ZNF638: variants seen among roughly 807,000 people sequenced by gnomAD.
ZNF638 encodes zinc finger protein 638.
A neutral mutation model predicts 195.6 loss-of-function variants in ZNF638; 46 were observed. The observed-to-expected ratio is 0.24, with a 90% CI of 0.19 to 0.30. ZNF638 has a LOEUF of 0.30. ZNF638 is among the 10% of genes least tolerant of loss of function. ZNF638 has a pLI of 1.00. For synonymous variants in ZNF638, 845 were observed against 772.0 expected, an observed-to-expected ratio of 1.09 and a Z score of -1.57; for missense variants, 2,440 against 2,325.3, an observed-to-expected ratio of 1.05 and a Z score of -1.01.
chr2:71,349,785 G>C lies in ZNF638; in HGVS notation c.831G>C (p.Glu277Asp). The C allele has an allele frequency of 6.2e-7, 1 of 1,614,162 alleles. No homozygotes were observed. The highest frequency in any genetic ancestry group is 8.5e-7 in the Non-Finnish European group (1 of 1,180,030). The change falls in exon 2 of 28, where the codon GAG (glutamate) becomes GAC (aspartate). Residue 277 changes from glutamate (E) to aspartate (D), a missense_variant. By Grantham distance (45) the Glu-to-Asp change is conservative. This residue lies in a region of ZNF638 where 305 missense variants were observed against 283.6 expected (regional missense o/e 1.08). Coordinates refer to ENST00000264447, the MANE Select transcript of ZNF638 (RefSeq NM_014497.5). ...DVFRQMDFPGESSNNRSFFSV... is the reference protein window; with the variant it reads ...DVFRQMDFPGDSSNNRSFFSV... ...TTCGCCAAATGGACTTCCCCGGTGA[G>C]TCCTCCAATAATCGGTCCTTTTTCT...
At chr2:71,424,149 T>G (rs761549336) in intron 22 of ZNF638, 111 bp downstream of exon 22, 4 of 1,392,462 alleles carry the variant, frequency 2.9e-6, no homozygotes, top group Non-Finnish European at 3.8e-6. Context: ...CTCCTCACTC[T>G]ACCCCGGAAG....
chr2:71,377,532 G>A (rs1199506517), intron 8 of ZNF638, among the ~76,000 whole-genome samples: 3 of 152,272 alleles, frequency 2.0e-5, no homozygotes, highest in South Asian at 2.1e-4. Context: ...GCGAAAATAC[G>A]CAATCAGAAT....
intron 8 of ZNF638, 35 bp from the exon 9 acceptor site, chr2:71,380,186 TA>T: frequency 7.4e-7 from 1 of 1,356,706 alleles, no homozygotes. Flanking sequence ...TGCTTTATAC[TA>T]AATTTCTTTT....
chr2:71,403,130 T>G (rs2080039283), intron 16 of ZNF638, among the ~76,000 whole-genome samples: 2 of 152,154 alleles, frequency 1.3e-5, no homozygotes, highest in African/African-American at 4.8e-5. Context: ...TTTAAACATT[T>G]ATGAAATTAA....
chr2:71,387,551 G>A (rs2079667600), intron 10 of ZNF638, among the ~76,000 whole-genome samples: 1 of 151,864 alleles, frequency 6.6e-6, no homozygotes, highest in African/African-American at 2.4e-5. Flanking sequence ...CTCTCCTGTA[G>A]ACCCAGGTAC....
intron 10 of ZNF638, 104 bp from the exon 11 acceptor site, chr2:71,396,037 T>C: frequency 9.6e-7 from 1 of 1,044,164 alleles, no homozygotes; most frequent in South Asian, 1.4e-5. Flanking sequence ...TATAGGGCTG[T>C]TTCTTGCAGG....
At position 71,433,226 on chromosome 2, in the gene ZNF638, A is replaced by G. The variant is rs751964339; in HGVS notation, c.5814A>G (p.Ser1938=). Residue 1938 remains serine (S), a synonymous_variant, in exon 27 of 28, where the codon TCA becomes TCG. Transcript: ENST00000264447. The part of the protein sequence containing the change: ...FFCPICSLFY[S]GEKAMTNHCK... ...GTCCAATTTGTTCCCTCTTCTACTCAGGTGAAAAAGCAATGACAAATCACT... is the reference window on the plus strand; with the variant it reads ...GTCCAATTTGTTCCCTCTTCTACTCGGGTGAAAAAGCAATGACAAATCACT... 20 of 1,614,060 alleles carry G rather than the reference A, an allele frequency of 1.2e-5. No homozygotes were observed. The highest frequency in any genetic ancestry group is 1.7e-5 in the Admixed American group (1 of 60,016).
At chr2:71,425,514 A>G (rs1386187278) in intron 23 of ZNF638, among the ~76,000 whole-genome samples, 1 of 152,176 alleles carries the variant, frequency 6.6e-6, no homozygotes. Context: ...TACTAAATGT[A>G]TAGGAGCCCT....
intron 1 of ZNF638, among the ~76,000 whole-genome samples, chr2:71,338,496 A>G (rs962307805): frequency 2.6e-5 from 4 of 152,168 alleles, no homozygotes; most frequent in Non-Finnish European, 5.9e-5. Flanking sequence ...CCATCAAAAC[A>G]TTTACTTACT....
chr2:71,336,933 C>A (rs1010300249), intron 1 of ZNF638, among the ~76,000 whole-genome samples: 3 of 152,128 alleles, frequency 2.0e-5, no homozygotes, highest in African/African-American at 7.2e-5. Context: ...TCACTGGCAC[C>A]CCTCCTAGCA....
chr2:71,337,137 G>GTTTTTTT (rs34895501), intron 1 of ZNF638, among the ~76,000 whole-genome samples: 3 of 138,188 alleles, frequency 2.2e-5, no homozygotes, highest in Non-Finnish European at 4.7e-5. Flanking sequence ...ATTGCCTATA[G>GTTTTTTT]TTTTTTTTTT....
chr2:71,363,823 T>C (rs1418321754), intron 4 of ZNF638, 131 bp from the exon 5 acceptor site: 2 of 1,174,270 alleles, frequency 1.7e-6, no homozygotes, highest in Admixed American at 5.9e-5. Context: ...ATTTTTGTTT[T>C]AAGTACATAT....
At chr2:71,400,971 T>A in intron 15 of ZNF638, among the ~76,000 whole-genome samples, 1 of 152,152 alleles carries the variant, frequency 6.6e-6, no homozygotes, top group African/African-American at 2.4e-5. Flanking sequence ...TATATTGTTT[T>A]CTTATGTTTA....
In ZNF638 at chr2:71,378,803, T is replaced by G. The variant is rs139401538; in HGVS notation, c.2266-1419T>G. Among the ~76,000 whole-genome samples the G allele has an allele frequency of 3.3e-3, 506 of 152,322 alleles. 4 individuals carry two copies. The highest frequency in any genetic ancestry group is 0.012 in the African/African-American group (493 of 41,576). On this transcript the variant is annotated intron_variant, in intron 8 of 27. Transcript: ENST00000264447. ...GAAGATGAGGGAACAAACCACGTCC[T>G]GGATTGAGAGCATTCCAGACAGAAG...
chr2:71,375,917 G>T (rs1459492908), intron 8 of ZNF638: 3 of 152,170 alleles, frequency 2.0e-5, no homozygotes, highest in African/African-American at 4.8e-5. Flanking sequence ...AGGAATAGTG[G>T]CTTATACTAG....
chr2:71,419,347 A>G (rs1009750653), intron 21 of ZNF638, among the ~76,000 whole-genome samples: 21 of 152,300 alleles, frequency 1.4e-4, no homozygotes, highest in African/African-American at 3.4e-4. Context: ...TGAGTCATCA[A>G]TATTTATTAG....
At chr2:71,411,012 T>G (rs1307380127) in intron 20 of ZNF638, among the ~76,000 whole-genome samples, 1 of 133,454 alleles carries the variant, frequency 7.5e-6, no homozygotes, top group Non-Finnish European at 1.6e-5. Context: ...TTTTTTTTTT[T>G]GTCGAGATGG....
intron 12 of ZNF638, among the ~76,000 whole-genome samples, chr2:71,399,185 A>G (rs538622018): frequency 2.0e-5 from 3 of 152,246 alleles, no homozygotes; most frequent in South Asian, 2.1e-4. Flanking sequence ...ATGGAACACT[A>G]TTTAAAATAA....
chr2:71,351,552 AT>A (rs2078940961), intron 2 of ZNF638, among the ~76,000 whole-genome samples: 1 of 152,126 alleles, frequency 6.6e-6, no homozygotes. Flanking sequence ...ATACCACATA[AT>A]TTTTTTTAAT....
Sources: gnomAD v4.1 joint callset for allele counts (sites outside exome capture counted in the v4.1 genomes callset) on GRCh38, gnomAD v4.1.1 for gene constraint, gnomAD v4.1.1 regional missense constraint, MANE v1.5 for transcripts, NCBI Gene and HGNC (gene_info 2026-07-23, HGNC 2026-07-21) for gene names.